The following RDH5 variants were observed in gnomAD, a reference collection of about 807,000 sequenced individuals.
RDH5 encodes retinol dehydrogenase 5.
RDH5 carries 25 observed loss-of-function variants against 24.0 expected under a neutral mutation model. That is an observed-to-expected ratio of 1.04 (90% CI 0.76 to 1.46). The LOEUF (loss-of-function observed/expected upper bound fraction) is 1.46. Ranked by LOEUF, RDH5 falls within the 40% of genes most tolerant of loss-of-function variation. The pLI is 0.00. For missense variants in RDH5, 369 were observed against 410.3 expected (o/e 0.90, Z 0.87); for synonymous variants, 170 against 175.2 (o/e 0.97, Z 0.23).
rs1876854272 is a variant in RDH5, at chr12:55,720,426, G to A, written c.-124G>A. The A allele has an allele frequency of 6.6e-6, 1 of 152,456 alleles. No homozygotes were observed. Among genetic ancestry groups the A allele is most frequent in the Non-Finnish European group, 1.5e-5 (1 of 68,246 alleles). The allele number at this position is 152,456 out of a possible 1,614,324, so 9.4% of individuals were successfully genotyped here. On this transcript the variant is annotated 5_prime_UTR_variant, in exon 1 of 5. Transcript: ENST00000257895. Reference sequence around the variant, plus strand: ...CTTTGGCCTTAGCAGTAGTTAGTGTGGGAGGCTGGGAAGACTGGGAGCAGT... The same window carrying A: ...CTTTGGCCTTAGCAGTAGTTAGTGTAGGAGGCTGGGAAGACTGGGAGCAGT...
At chr12:55,723,765 A>G in intron 3 of RDH5, 121 bp from the exon 4 acceptor site, 1 of 1,130,026 alleles carries the variant, frequency 8.8e-7, no homozygotes, top group African/African-American at 1.5e-5. Flanking sequence ...GGCAGTAGGC[A>G]TCTCCGTCAA....
rs1200091541 is a variant in RDH5, at chr12:55,722,246, T to TTCA, written c.569+300_569+302dup. On this transcript the variant is annotated intron_variant, in intron 3 of 4. Transcript: ENST00000257895. ...CTCACCACAATTTCCACCCCCGGGG[T>TTCA]TCAAGCGATTCTCCTGCCTCAGCCT... 2.3e-5 allele frequency: 7 copies of TTCA among 304,752 alleles called. No homozygotes were observed. In the East Asian group the frequency reaches 5.1e-4, roughly 22 times the overall value. 18.9% of individuals were successfully genotyped at this position (304,752 alleles called of 1,614,324 possible).
chr12:55,724,097 A>G, intron 4 of RDH5, 48 bp downstream of exon 4: 1 of 1,588,572 alleles, frequency 6.3e-7, no homozygotes, highest in African/African-American at 1.3e-5. Context: ...AACAAGTACC[A>G]GAAAGGCCAG....
chr12:55,720,912 C>A, intron 1 of RDH5: 4 of 417,592 alleles, frequency 9.6e-6, no homozygotes, highest in Non-Finnish European at 8.7e-6. Context: ...AAAAAGATGC[C>A]TCTGCTCCAT....
At chr12:55,722,484 C>T (rs930110935) in intron 3 of RDH5, 1 of 153,338 alleles carries the variant, frequency 6.5e-6, no homozygotes, top group African/African-American at 2.4e-5. Context: ...TTCAAAGTTC[C>T]GTGGGAGCAC....
At position 55,724,340 on chromosome 12, in the gene RDH5, G is replaced by A. The variant is rs545045941; in HGVS notation, c.752G>A (p.Arg251His). The A allele has an allele frequency of 1.8e-5, 29 of 1,614,172 alleles. No individual in the cohort carries two copies. Among genetic ancestry groups the A allele is most frequent in the Middle Eastern group, 1.6e-4 (1 of 6,062 alleles). ...GCTGCAGACCTGAAAATGCAACAGCGCATCATGAACCTGATCTGTGACCCG... is the reference window on the plus strand; with the variant it reads ...GCTGCAGACCTGAAAATGCAACAGCACATCATGAACCTGATCTGTGACCCG... ...FLTKYLKMQQRIMNLICDPDL... is the reference protein window; with the variant it reads ...FLTKYLKMQQHIMNLICDPDL... Residue 251 changes from arginine to histidine, a missense_variant, in exon 5 of 5, where the codon CGC becomes CAC. By Grantham distance (29) the Arg-to-His change is conservative (BLOSUM62 0). Coordinates refer to ENST00000257895, the MANE Select transcript of RDH5 (RefSeq NM_002905.5).
At chr12:55,724,277 G>A in intron 4 of RDH5, 45 bp from the exon 5 acceptor site, 1 of 1,602,204 alleles carries the variant, frequency 6.2e-7, no homozygotes. Flanking sequence ...AAGATGGGCT[G>A]GAGTGAGGAA....
chr12:55,724,074 G>A (rs757862318), intron 4 of RDH5, 25 bp downstream of exon 4: 5 of 1,601,560 alleles, frequency 3.1e-6, no homozygotes, highest in Non-Finnish European at 3.4e-6. Context: ...CCACACAGGG[G>A]CACATGAAGG....
In RDH5 at chr12:55,724,624, G is replaced by A. The variant is rs1033320256; in HGVS notation, c.*79G>A. The A allele has an allele frequency of 1.6e-6, 2 of 1,285,370 alleles. No individual in the cohort carries two copies. Among genetic ancestry groups the A allele is most frequent in the Non-Finnish European group, 2.2e-6 (2 of 900,450 alleles). The allele number at this position is 1,285,370 out of a possible 1,614,324, so 79.6% of individuals were successfully genotyped here. A position where few individuals can be genotyped will look rare whatever the true frequency, so the allele number is the denominator to read the frequency against. On this transcript the variant is annotated 3_prime_UTR_variant, in exon 5 of 5. Transcript: ENST00000257895. ...TCTGCCCCCACCCTGGTACTGCCTG[G>A]TGCCTGCCACAAAATAAGCACTAAC...
chr12:55,720,632 C>G (rs1485172191), intron 1 of RDH5, 115 bp downstream of exon 1: 2 of 154,602 alleles, frequency 1.3e-5, no homozygotes, highest in African/African-American at 4.8e-5. Flanking sequence ...CCCCTTTGAT[C>G]CTCCACAACT....
chr12:55,724,401 CCT>C lies in RDH5; in HGVS notation c.814_815del (p.Leu272AspfsTer63), dbSNP rs765714290. 17 of 1,614,062 alleles carry C rather than the reference CCT, an allele frequency of 1.1e-5. No homozygotes were observed. Among genetic ancestry groups the C allele is most frequent in the Non-Finnish European group, 1.4e-5 (16 of 1,180,044 alleles). ...AGGTGAGCCGATGCCTGGAGCATGCCCTGACTGCTCGACACCCCCGAACCCGC... is the reference window on the plus strand; with the variant it reads ...AGGTGAGCCGATGCCTGGAGCATGCCGACTGCTCGACACCCCCGAACCCGC... ...TKVSRCLEHA[L>X]TARHPRTRYS... On this transcript the variant is annotated frameshift_variant, in exon 5 of 5. Coordinates refer to ENST00000257895, the MANE Select transcript of RDH5 (RefSeq NM_002905.5). LOFTEE classifies it high-confidence loss of function.
rs550766930 is a variant in RDH5, at chr12:55,721,779, A to C, written c.401A>C (p.Asn134Thr). Reference sequence around the variant, plus strand: ...CGGGACGATTTCCAGCGGGTGCTGAATGTGAACACAATGGGTCCCATCGGG... The same window carrying C: ...CGGGACGATTTCCAGCGGGTGCTGACTGTGAACACAATGGGTCCCATCGGG... ...LTRDDFQRVL[N>T]VNTMGPIGVT... is the part of the protein sequence containing the mutation. Residue 134 changes from asparagine to threonine, a missense_variant, in exon 3 of 5, where the codon AAT (asparagine) becomes ACT (threonine). Transcript: ENST00000257895. This position sits in a 1 kb window ranked among gnomAD's most constrained non-coding sequence, Gnocchi z 4.7. 1.6e-4 allele frequency: 255 copies of C among 1,614,064 alleles called. 2 individuals are homozygous for C. In the South Asian group the frequency reaches 2.7e-3, roughly 17 times the overall value.
intron 3 of RDH5, chr12:55,723,273 T>A (rs1406926387): frequency 6.5e-6 from 1 of 154,728 alleles, no homozygotes; most frequent in Non-Finnish European, 1.4e-5. Flanking sequence ...CACTGCATAC[T>A]GGAACACATA....
Position 55,724,608 on chromosome 12 carries a change from AC to A in RDH5, c.*66del. On this transcript the variant is annotated 3_prime_UTR_variant, in exon 5 of 5. Transcript: ENST00000257895. ...AGGACTTTGATTTATTTCTGCCCCC[AC>A]CCTGGTACTGCCTGGTGCCTGCCAC... 2 of 1,430,066 alleles carry A rather than the reference AC, an allele frequency of 1.4e-6. No individual in the cohort carries two copies. Among genetic ancestry groups the A allele is most frequent in the Non-Finnish European group, 1.9e-6 (2 of 1,031,800 alleles). 88.6% of individuals were successfully genotyped at this position (1,430,066 alleles called of 1,614,324 possible).
intron 3 of RDH5, chr12:55,723,634 T>C (rs1877033245): frequency 2.0e-6 from 1 of 511,636 alleles, no homozygotes; most frequent in Non-Finnish European, 3.5e-6. Context: ...TGGCCTGCCA[T>C]GCTTAAAATA....
At chr12:55,722,241 C>T (rs1038552210) in intron 3 of RDH5, 1 of 318,684 alleles carries the variant, frequency 3.1e-6, no homozygotes, top group Non-Finnish European at 5.9e-6. Context: ...TTTCCACCCC[C>T]GGGGTTCAAG....
At position 55,723,981 on chromosome 12, in the gene RDH5, T is replaced by C. The variant is rs753712247; in HGVS notation, c.665T>C (p.Leu222Pro). 1.9e-6 allele frequency: 3 copies of C among 1,613,984 alleles called. No individual in the cohort carries two copies. Among genetic ancestry groups the C allele is most frequent in the Middle Eastern group, 1.6e-4 (1 of 6,062 alleles). Residue 222 changes from leucine to proline, a missense_variant, in exon 4 of 5, where the codon CTG becomes CCG. By Grantham distance (98) the Leu-to-Pro change is moderately conservative. Coordinates refer to ENST00000257895, the MANE Select transcript of RDH5 (RefSeq NM_002905.5). ...VTNLESLEKT[L>P]QACWARLPPA... ...AACCTGGAGAGTCTGGAGAAAACCC[T>C]GCAGGCCTGCTGGGCACGGCTGCCT...
chr12:55,721,838 G>C lies in RDH5; in HGVS notation c.460G>C (p.Ala154Pro). Residue 154 changes from alanine (A) to proline (P), a missense_variant, in exon 3 of 5, where the codon GCC becomes CCC. Coordinates refer to ENST00000257895, the MANE Select transcript of RDH5 (RefSeq NM_002905.5). This position sits in a 1 kb window ranked among gnomAD's most constrained non-coding sequence, Gnocchi z 4.7. ...TGCCCTGCTGCCTCTGCTGCAGCAAGCCCGGGGCCGGGTGATCAACATCAC... is the reference window on the plus strand; with the variant it reads ...TGCCCTGCTGCCTCTGCTGCAGCAACCCCGGGGCCGGGTGATCAACATCAC... ...TLALLPLLQQARGRVINITSV... is the reference protein window; with the variant it reads ...TLALLPLLQQPRGRVINITSV... The C allele has an allele frequency of 6.2e-7, 1 of 1,613,998 alleles. No homozygotes were observed. The highest frequency in any genetic ancestry group is 8.5e-7 in the Non-Finnish European group (1 of 1,180,006).
intron 3 of RDH5, chr12:55,723,559 A>T: frequency 1.5e-5 from 5 of 323,652 alleles, no homozygotes; most frequent in South Asian, 2.7e-5. Context: ...GGTTTTTTTT[A>T]TTTTTAAATG....
Sources: allele counts gnomAD v4.1 joint callset, GRCh38; gene constraint gnomAD v4.1.1; non-coding constraint Gnocchi (gnomAD v3.1); transcripts MANE v1.5; gene names NCBI Gene and HGNC (gene_info 2026-07-23, HGNC 2026-07-21).